LARP1: variants seen among roughly 807,000 people sequenced by gnomAD.
LARP1 encodes the protein la-related protein 1.
A neutral mutation model predicts 122.7 loss-of-function variants in LARP1; 36 were observed. That is an observed-to-expected ratio of 0.29 (90% CI 0.22 to 0.39). The LOEUF is 0.39. Ranked by LOEUF, LARP1 falls within the 10% of genes least tolerant of loss-of-function variation. The probability of loss-of-function intolerance (pLI) is 1.00; values close to 1 mark genes in which losing one functional copy is unlikely to be tolerated. For missense variants in LARP1, 1,040 were observed against 1,403.6 expected, an observed-to-expected ratio of 0.74 and a Z score of 4.14; for synonymous variants, 539 against 528.7, an observed-to-expected ratio of 1.02 and a Z score of -0.27.
chr5:154,700,614 T>TGTCAG (rs1393506261), intron 1 of LARP1, among the ~76,000 whole-genome samples: 2 of 152,084 alleles, frequency 1.3e-5, no homozygotes, highest in Non-Finnish European at 2.9e-5. Flanking sequence ...GACAGGGTCT[T>TGTCAG]GCTCTATCAC....
chr5:154,739,790 T>G (rs1412832793), intron 1 of LARP1, among the ~76,000 whole-genome samples: 1 of 152,202 alleles, frequency 6.6e-6, no homozygotes, highest in Non-Finnish European at 1.5e-5. Flanking sequence ...AAGTGAATGT[T>G]CTCACAGTCA....
At chr5:154,801,914 G>A in intron 10 of LARP1, 93 bp from the exon 11 acceptor site, 1 of 1,246,560 alleles carries the variant, frequency 8.0e-7, no homozygotes, top group East Asian at 2.4e-5. Flanking sequence ...GTCTTATGTT[G>A]AGAGGCTGGA....
chr5:154,743,457 C>A (rs992679344), intron 1 of LARP1, among the ~76,000 whole-genome samples: 6 of 150,990 alleles, frequency 4.0e-5, no homozygotes, highest in Admixed American at 2.7e-4. Flanking sequence ...TACAGGTGCC[C>A]GCCACCATGC....
At chr5:154,710,447 TA>T (rs1014638810), upstream of LARP1, among the ~76,000 whole-genome samples, 1 of 149,714 alleles carries the variant, frequency 6.7e-6, no homozygotes, top group Admixed American at 6.7e-5. Context: ...CCCTATCTGT[TA>T]AAAAAAAAAT....
intron 1 of LARP1, among the ~76,000 whole-genome samples, chr5:154,748,031 T>G (rs1753295807): frequency 6.6e-6 from 1 of 152,148 alleles, no homozygotes; most frequent in Non-Finnish European, 1.5e-5. Context: ...TTTATTTTTC[T>G]TACAGACGGG....
chr5:154,756,260 C>A, intron 1 of LARP1, 67 bp downstream of exon 1: 1 of 1,110,802 alleles, frequency 9.0e-7, no homozygotes, highest in Non-Finnish European at 1.1e-6. Flanking sequence ...TCCCCTCCCC[C>A]AGCACCTCCA....
intron 15 of LARP1, 110 bp from the exon 16 acceptor site, chr5:154,808,348 GA>G (rs1407535191): frequency 1.5e-6 from 2 of 1,306,802 alleles, no homozygotes; most frequent in African/African-American, 3.0e-5. Context: ...TGAGTGAGGG[GA>G]TTTGGAAGTA....
In LARP1 at chr5:154,756,789, G is replaced by C. The variant is rs576617791; in HGVS notation, c.436+596G>C. On this transcript the variant is annotated intron_variant, in intron 1 of 18. Coordinates refer to ENST00000518297, the MANE Select transcript of LARP1 (RefSeq NM_033551.3). ...CGGGTTGAGGGGTCAGTTGTGGGGA[G>C]AAGAAACCCATCGTGTCATCGAATT... Among the ~76,000 whole-genome samples, 84 of 152,278 alleles carry C rather than the reference G, an allele frequency of 5.5e-4. 1 individual carries two copies. Among genetic ancestry groups the C allele is most frequent in the Non-Finnish European group, 1.0e-4 (7 of 68,006 alleles).
chr5:154,729,381 C>A, intron 1 of LARP1: 1 of 316,768 alleles, frequency 3.2e-6, no homozygotes, highest in Non-Finnish European at 6.1e-6. Flanking sequence ...AAAGGAATAC[C>A]CCACAAATGT....
chr5:154,729,592 G>T (rs536325971), intron 1 of LARP1: 566 of 427,526 alleles, frequency 1.3e-3, no homozygotes, highest in Admixed American at 2.3e-3. Context: ...AAGGTACCTG[G>T]GTTCAGATGA....
intron 1 of LARP1, among the ~76,000 whole-genome samples, chr5:154,733,108 G>A (rs555928819): frequency 6.6e-6 from 1 of 152,270 alleles, no homozygotes; most frequent in Non-Finnish European, 1.5e-5. Flanking sequence ...TATGTGGCTT[G>A]GGATTTCTGG....
At chr5:154,691,657 C>T (rs993703076) in intron 1 of LARP1, among the ~76,000 whole-genome samples, 3 of 152,362 alleles carry the variant, frequency 2.0e-5, no homozygotes, top group East Asian at 1.9e-4. Flanking sequence ...TTGCATTCCT[C>T]CCTCCGTCCC....
intron 1 of LARP1, among the ~76,000 whole-genome samples, chr5:154,716,744 C>G (rs955469700): frequency 6.6e-6 from 1 of 152,172 alleles, no homozygotes; most frequent in Non-Finnish European, 1.5e-5. Context: ...CCACTGCACC[C>G]AGCTGATGGC....
intron 1 of LARP1, among the ~76,000 whole-genome samples, chr5:154,683,130 G>C (rs1348732740): frequency 6.6e-6 from 1 of 152,196 alleles, no homozygotes; most frequent in African/African-American, 2.4e-5. Context: ...CACCGAAAGG[G>C]GCCCGGGCCG....
chr5:154,788,560 G>T (rs1050313510), intron 1 of LARP1, among the ~76,000 whole-genome samples: 1 of 152,154 alleles, frequency 6.6e-6, no homozygotes, highest in African/African-American at 2.4e-5. Context: ...TCTCGCCCTG[G>T]CATGGCTGGC....
chr5:154,809,029 C>G (rs893168335), intron 16 of LARP1, among the ~76,000 whole-genome samples: 1 of 152,120 alleles, frequency 6.6e-6, no homozygotes, highest in Non-Finnish European at 1.5e-5. Flanking sequence ...GGAGATCATT[C>G]TATATCTGTA....
At chr5:154,788,534 G>A (rs901766351) in intron 1 of LARP1, among the ~76,000 whole-genome samples, 1 of 152,160 alleles carries the variant, frequency 6.6e-6, no homozygotes, top group Non-Finnish European at 1.5e-5. Flanking sequence ...TCTGCTGCTC[G>A]GGGTTTGGGG....
At chr5:154,741,919 G>T (rs1752904610) in intron 1 of LARP1, among the ~76,000 whole-genome samples, 1 of 152,206 alleles carries the variant, frequency 6.6e-6, no homozygotes, top group African/African-American at 2.4e-5. Context: ...TATGCAAAAT[G>T]AGCCCAGCCC....
chr5:154,802,886 G>A lies in LARP1; in HGVS notation c.2110-404G>A, dbSNP rs1758457357. ...ATGTTTGGTGGTAGGTTGTCCTAGG[G>A]TGAGCCTTTGTAATAAGTAGCAGTG... On this transcript the variant is annotated intron_variant, in intron 11 of 18. Transcript: ENST00000518297. This position sits in a 1 kb window ranked among gnomAD's most constrained non-coding sequence, Gnocchi z 5.1. Among the ~76,000 whole-genome samples the A allele has an allele frequency of 6.6e-6, 1 of 152,200 alleles. No homozygotes were observed. Among genetic ancestry groups the A allele is most frequent in the African/African-American group, 2.4e-5 (1 of 41,452 alleles).
Sources: allele counts gnomAD v4.1 joint callset (sites outside exome capture counted in the v4.1 genomes callset), GRCh38; gene constraint gnomAD v4.1.1; non-coding constraint Gnocchi (gnomAD v3.1); transcripts MANE v1.5; gene names NCBI Gene and HGNC (gene_info 2026-07-23, HGNC 2026-07-21).